The following R3HDM2 variants were observed in gnomAD, a reference collection of about 807,000 sequenced individuals.
R3HDM2 encodes the protein R3H domain-containing protein 2.
A neutral mutation model predicts 124.5 loss-of-function variants in R3HDM2; 38 were observed. That is an observed-to-expected ratio of 0.31 (90% CI 0.24 to 0.40). The LOEUF (loss-of-function observed/expected upper bound fraction) is 0.40. Ranked by LOEUF, R3HDM2 falls within the 10% of genes least tolerant of loss-of-function variation. The pLI is 1.00. For synonymous variants in R3HDM2, 391 were observed against 448.0 expected (o/e 0.87, Z 1.61); for missense variants, 869 against 1,236.9 (o/e 0.70, Z 4.46).
At chr12:57,283,699 A>G (rs2046697386) in intron 13 of R3HDM2, 125 bp downstream of exon 13, 2 of 925,870 alleles carry the variant, frequency 2.2e-6, no homozygotes, top group Non-Finnish European at 3.4e-6. Flanking sequence ...AGATCACACC[A>G]CTGCATTCCA....
At chr12:57,298,921 C>A (rs185948375) in intron 6 of R3HDM2, among the ~76,000 whole-genome samples, 30 of 152,124 alleles carry the variant, frequency 2.0e-4, no homozygotes, top group Admixed American at 1.8e-3. Context: ...CAAGATCGTG[C>A]CACTGCACTC....
At chr12:57,372,222 T>C (rs1004317481) in intron 2 of R3HDM2, among the ~76,000 whole-genome samples, 2 of 152,164 alleles carry the variant, frequency 1.3e-5, no homozygotes, top group African/African-American at 4.8e-5. Context: ...ACCAGTGGGA[T>C]TTAACATGAA....
At chr12:57,414,962 G>A (rs866036967) in intron 1 of R3HDM2, among the ~76,000 whole-genome samples, 1 of 152,120 alleles carries the variant, frequency 6.6e-6, no homozygotes, top group Non-Finnish European at 1.5e-5. Flanking sequence ...AATACAAAGT[G>A]AGCGCAGAAC....
rs148578128 is a variant in R3HDM2 at position 57,269,678 on chromosome 12, C to T, written c.1587+74G>A. ...AGGTATTCCCTCTGGTCTGTCTAAA[C>T]TGGAGGAATAAAGAAAGTATAATAC... On this transcript the variant is annotated intron_variant, in intron 15 of 23. Coordinates refer to ENST00000402412, the MANE Select transcript of R3HDM2 (RefSeq NM_001394031.1). The T allele has an allele frequency of 2.5e-6, 4 of 1,591,682 alleles. No individual in the cohort carries two copies. The African/African-American group carries it at 5.4e-5, about 21-fold the overall frequency.
intron 2 of R3HDM2, among the ~76,000 whole-genome samples, chr12:57,354,938 C>T (rs1453781767): frequency 6.6e-6 from 1 of 151,892 alleles, no homozygotes; most frequent in Non-Finnish European, 1.5e-5. Context: ...GATTCTCCCA[C>T]CTCAGCCTCC....
intron 1 of R3HDM2, among the ~76,000 whole-genome samples, chr12:57,414,346 C>T (rs1242562489): frequency 1.3e-5 from 2 of 149,000 alleles, no homozygotes; most frequent in Admixed American, 6.7e-5. Context: ...ATTAGTCTAG[C>T]TGGGCATGGT....
rs371313107 is a variant in R3HDM2 at position 57,398,116 on chromosome 12, G to T, written c.-105-2298C>A. On this transcript the variant is annotated intron_variant, in intron 1 of 23. Coordinates refer to ENST00000402412, the MANE Select transcript of R3HDM2 (RefSeq NM_001394031.1). ...AAATCGCTTGAAACTGGTGGTGGGG[G>T]TGGGCAGGGGAGAGGGGCAGAGGTT... Among the ~76,000 whole-genome samples, 68 of 151,256 alleles carry T rather than the reference G, an allele frequency of 4.5e-4. No individual in the cohort carries two copies. The South Asian group carries it at 6.7e-3, about 15-fold the overall frequency.
At position 57,259,697 on chromosome 12, in the gene R3HDM2, C is replaced by A. The variant is rs147925125; in HGVS notation, c.2132-638G>T. 4.8e-3 allele frequency among the ~76,000 whole-genome samples: 735 copies of A among 152,354 alleles called. 4 individuals carry two copies. The highest frequency in any genetic ancestry group is 6.4e-3 in the Non-Finnish European group (433 of 68,034). Reference sequence around the variant, plus strand: ...TAGGAGATGAGACACGTTTATTTAACAAACTCTTATTGAACATTTGCTATG... The same window carrying A: ...TAGGAGATGAGACACGTTTATTTAAAAAACTCTTATTGAACATTTGCTATG... On this transcript the variant is annotated intron_variant, in intron 19 of 23. Coordinates refer to ENST00000402412, the MANE Select transcript of R3HDM2 (RefSeq NM_001394031.1).
intron 2 of R3HDM2, among the ~76,000 whole-genome samples, chr12:57,328,946 TCA>T (rs1258291318): frequency 6.6e-6 from 1 of 152,180 alleles, no homozygotes; most frequent in Non-Finnish European, 1.5e-5. Flanking sequence ...GGAACGAAAC[TCA>T]CAGTGTCTCC....
chr12:57,423,969 C>T (rs1383572499), intron 1 of R3HDM2, among the ~76,000 whole-genome samples: 1 of 150,402 alleles, frequency 6.6e-6, no homozygotes, highest in Non-Finnish European at 1.5e-5. Context: ...ACAAAATTAG[C>T]CAGGTGTGGT....
At chr12:57,422,093 CAAAAAAAAAAA>C (rs35439340) in intron 1 of R3HDM2, among the ~76,000 whole-genome samples, 2 of 74,394 alleles carry the variant, frequency 2.7e-5, no homozygotes, top group Admixed American at 1.3e-4. Flanking sequence ...CTCCGCCTAG[CAAAAAAAAAAA>C]AAAAAAAAAA....
intron 3 of R3HDM2, among the ~76,000 whole-genome samples, chr12:57,303,718 G>A (rs933686069): frequency 6.6e-6 from 1 of 152,108 alleles, no homozygotes; most frequent in South Asian, 2.1e-4. Flanking sequence ...GGAAGAGGAG[G>A]TTGCAGTGAG....
At chr12:57,299,217 A>T in intron 6 of R3HDM2, 135 bp downstream of exon 6, 1 of 961,074 alleles carries the variant, frequency 1.0e-6, no homozygotes, top group Non-Finnish European at 1.5e-6. Flanking sequence ...TAACCTCGTT[A>T]GGCATCTCCT....
chr12:57,347,119 G>A (rs546832544), intron 2 of R3HDM2, among the ~76,000 whole-genome samples: 173 of 152,120 alleles, frequency 1.1e-3, no homozygotes, highest in African/African-American at 4.1e-3. Context: ...GGTGGCATAG[G>A]CCTACAGTCT....
intron 2 of R3HDM2, among the ~76,000 whole-genome samples, chr12:57,312,295 C>T (rs943206546): frequency 6.6e-6 from 1 of 151,362 alleles, no homozygotes; most frequent in African/African-American, 2.4e-5. Context: ...TGCCAGGCTA[C>T]TGCTTTGTGA....
chr12:57,294,684 ATCT>A (rs1041671261), intron 10 of R3HDM2, among the ~76,000 whole-genome samples: 11 of 152,206 alleles, frequency 7.2e-5, no homozygotes, highest in South Asian at 2.1e-4. Flanking sequence ...CTGGATCTAA[ATCT>A]TCTTCTTAGC....
chr12:57,417,347 T>C (rs1471267260), intron 1 of R3HDM2, among the ~76,000 whole-genome samples: 2 of 148,218 alleles, frequency 1.3e-5, no homozygotes, highest in Non-Finnish European at 1.5e-5. Flanking sequence ...ATCCCGCCAC[T>C]GCACTCCAGC....
At chr12:57,405,053 G>A (rs926313465) in intron 1 of R3HDM2, among the ~76,000 whole-genome samples, 1 of 151,476 alleles carries the variant, frequency 6.6e-6, no homozygotes, top group Non-Finnish European at 1.5e-5. Context: ...TTCAAGACAG[G>A]GTCTCACTCT....
At chr12:57,398,534 G>T (rs2067777863) in intron 1 of R3HDM2, among the ~76,000 whole-genome samples, 1 of 151,494 alleles carries the variant, frequency 6.6e-6, no homozygotes, top group African/African-American at 2.4e-5. Flanking sequence ...CGTCACACAG[G>T]CTGGAGTGCA....
Sources: allele counts gnomAD v4.1 joint callset (sites outside exome capture counted in the v4.1 genomes callset), GRCh38; gene constraint gnomAD v4.1.1; transcripts MANE v1.5; gene names NCBI Gene and HGNC (gene_info 2026-07-23, HGNC 2026-07-21).